Variants in ZNF552 observed in about 807,000 individuals in gnomAD.
ZNF552 encodes the protein zinc finger protein 552.
ZNF552 carries 2 observed loss-of-function variants against 7.2 expected under a neutral mutation model. The ratio of observed to expected loss-of-function variants is 0.28; its 90% CI spans 0.11 to 0.88. The LOEUF is 0.88. Among genes scored for constraint, ZNF552 ranks in the 40% least tolerant of loss-of-function variants. The pLI, the probability that ZNF552 is intolerant of heterozygous loss-of-function variation, is 0.60. For synonymous variants in ZNF552, 173 were observed against 176.5 expected (o/e 0.98, Z 0.16); for missense variants, 421 against 493.4 (o/e 0.85, Z 1.39).
chr19:57,813,775 C>A (rs1456455256), intron 1 of ZNF552, among the ~76,000 whole-genome samples: 1 of 132,934 alleles, frequency 7.5e-6, no homozygotes, highest in Admixed American at 8.8e-5. Context: ...TACGGAGTCT[C>A]GCTCTGTCAC....
intron 2 of ZNF552, among the ~76,000 whole-genome samples, chr19:57,810,043 G>A (rs934210486): frequency 6.6e-6 from 1 of 152,068 alleles, no homozygotes; most frequent in Non-Finnish European, 1.5e-5. Flanking sequence ...GGAGGTTGAG[G>A]CTGTGTGAAC....
intron 1 of ZNF552, among the ~76,000 whole-genome samples, chr19:57,814,049 T>C (rs563348476): frequency 4.6e-5 from 7 of 152,056 alleles, no homozygotes; most frequent in Non-Finnish European, 8.8e-5. Context: ...CTCCACTTTC[T>C]TGTATGCGTT....
In ZNF552 at chr19:57,808,515, C is replaced by CT. The variant is rs766158388; in HGVS notation, c.748dup (p.Ser250LysfsTer4). 5 of 1,613,742 alleles carry CT rather than the reference C, an allele frequency of 3.1e-6. No individual in the cohort carries two copies. In the Admixed American group the frequency reaches 8.3e-5, roughly 27 times the overall value. Reference sequence around the variant, plus strand: ...ATGATTACTGAAGCTGTCATATTTGCTAGAGGATTTCCCACATTCACACCA... The same window carrying CT: ...ATGATTACTGAAGCTGTCATATTTGCTTAGAGGATTTCCCACATTCACACCA... On this transcript the variant is annotated frameshift_variant, in exon 3 of 3. Transcript: ENST00000391701. LOFTEE classifies it low-confidence loss of function (END_TRUNC).
In ZNF552 at chr19:57,807,204, A is replaced by G. The variant is rs1230524047; in HGVS notation, c.*836T>C. On this transcript the variant is annotated 3_prime_UTR_variant, in exon 3 of 3. Transcript: ENST00000391701. ...AACTTTATAAAGGCTCCAGGTGAATACAAAGGTGATAGATTAGATAAATTC... is the reference window on the plus strand; with the variant it reads ...AACTTTATAAAGGCTCCAGGTGAATGCAAAGGTGATAGATTAGATAAATTC... 1 of 152,236 alleles carries G rather than the reference A, an allele frequency of 6.6e-6. No homozygotes were observed. The highest frequency in any genetic ancestry group is 1.5e-5 in the Non-Finnish European group (1 of 68,042). 9.4% of individuals were successfully genotyped at this position (152,236 alleles called of 1,614,324 possible). A position where few individuals can be genotyped will look rare whatever the true frequency, so the allele number is the denominator to read the frequency against.
Position 57,807,923 on chromosome 19 carries a change from T to G in ZNF552, c.*117A>C. ...GTAAGGACTCTTCTCTAGTGTGAAC[T>G]CTCCAATATCCAAGGAGAGCAGACC... is the stretch of plus-strand genomic sequence containing the variant. On this transcript the variant is annotated 3_prime_UTR_variant, in exon 3 of 3. Transcript: ENST00000391701. 1 of 1,328,572 alleles carries G rather than the reference T, an allele frequency of 7.5e-7. No homozygotes were observed. Among genetic ancestry groups the G allele is most frequent in the Non-Finnish European group, 1.0e-6 (1 of 973,440 alleles). 82.3% of individuals were successfully genotyped at this position (1,328,572 alleles called of 1,614,324 possible). A position where few individuals can be genotyped will look rare whatever the true frequency, so the allele number is the denominator to read the frequency against.
intron 2 of ZNF552, among the ~76,000 whole-genome samples, chr19:57,809,781 A>C (rs759385422): frequency 1.3e-5 from 2 of 152,188 alleles, no homozygotes; most frequent in Non-Finnish European, 2.9e-5. Context: ...CAGAAATCCA[A>C]GACCAGCCTG....
In ZNF552 at chr19:57,814,612, G is replaced by A. The variant is rs570476880; in HGVS notation, c.33+99C>T. ...GAGCGCCTCAGTGTCCCGACGCCGGGTCCGGGTTGCAGAGCCGTAAACAGG... is the reference window on the plus strand; with the variant it reads ...GAGCGCCTCAGTGTCCCGACGCCGGATCCGGGTTGCAGAGCCGTAAACAGG... On this transcript the variant is annotated intron_variant, in intron 1 of 2. Transcript: ENST00000391701. The A allele has an allele frequency of 9.4e-5, 150 of 1,601,782 alleles. No homozygotes were observed. The African/African-American group carries it at 1.9e-3, about 20-fold the overall frequency.
rs1187735865 is a variant in ZNF552, at chr19:57,808,684, T to TCTC, written c.579_580insGAG (p.Gly193_Lys194insGlu). ...ACACACTCAGTTTTGCTGTTTGACTTCCCAGTGTGAGTGGCCTCTTGCTGG... is the reference window on the plus strand; with the variant it reads ...ACACACTCAGTTTTGCTGTTTGACTTCTCCCCAGTGTGAGTGGCCTCTTGCTGG... On this transcript the variant is annotated inframe_insertion, in exon 3 of 3. Transcript: ENST00000391701. 5.6e-6 allele frequency: 9 copies of TCTC among 1,614,038 alleles called. No homozygotes were observed. In the East Asian group the frequency reaches 6.7e-5, roughly 12 times the overall value.
In ZNF552 at chr19:57,807,582, A is replaced by T. The variant is rs1360536426; in HGVS notation, c.*458T>A. On this transcript the variant is annotated 3_prime_UTR_variant, in exon 3 of 3. Coordinates refer to ENST00000391701, the MANE Select transcript of ZNF552 (RefSeq NM_024762.3). ...AAAAGAAAAAGAAAATTCAAGACTT[A>T]TCCTACAGCTCAAATATGCATACTT... is the stretch of plus-strand genomic sequence containing the variant. 1 of 155,170 alleles carries T rather than the reference A, an allele frequency of 6.4e-6. No individual in the cohort carries two copies. The highest frequency in any genetic ancestry group is 1.4e-5 in the Non-Finnish European group (1 of 70,094). The allele number at this position is 155,170 out of a possible 1,614,324, so 9.6% of individuals were successfully genotyped here. A position where few individuals can be genotyped will look rare whatever the true frequency, so the allele number is the denominator to read the frequency against.
At position 57,808,686 on chromosome 19, in the gene ZNF552, C is replaced by G; in HGVS notation, c.578G>C (p.Gly193Ala). ...GLLQQEATHTGKSNSKTECVS... is the reference protein window; with the variant it reads ...GLLQQEATHTAKSNSKTECVS... ...ACACTCAGTTTTGCTGTTTGACTTC[C>G]CAGTGTGAGTGGCCTCTTGCTGGAG... Residue 193 changes from glycine (G) to alanine (A), a missense_variant, in exon 3 of 3, where the codon GGG (glycine) becomes GCG (alanine). Gly to Ala is a moderately conservative substitution (Grantham distance 60, BLOSUM62 0). Transcript: ENST00000391701. 1 of 1,614,198 alleles carries G rather than the reference C, an allele frequency of 6.2e-7. No individual in the cohort carries two copies. The highest frequency in any genetic ancestry group is 8.5e-7 in the Non-Finnish European group (1 of 1,180,032).
chr19:57,809,956 CATT>C (rs1987821976), intron 2 of ZNF552, among the ~76,000 whole-genome samples: 1 of 151,454 alleles, frequency 6.6e-6, no homozygotes, highest in Admixed American at 6.6e-5. Context: ...TCTCTACAAA[CATT>C]AGCCAGGTGT....
chr19:57,812,673 A>G (rs1365761868), intron 2 of ZNF552, among the ~76,000 whole-genome samples: 2 of 152,300 alleles, frequency 1.3e-5, no homozygotes, highest in East Asian at 3.9e-4. Context: ...GGTTCAAGCT[A>G]TCCTCCCACC....
chr19:57,813,395 G>T lies in ZNF552; in HGVS notation c.59C>A (p.Ala20Asp), dbSNP rs1402464950. The T allele has an allele frequency of 6.2e-7, 1 of 1,613,918 alleles. No homozygotes were observed. ...CCATTCCTCCTGGGTAAATTTCACA[G>T]CCACGTCTTCAAAAGTCACTGTGCC... ...VQGTVTFEDV[A>D]VKFTQEEWNL... Residue 20 changes from alanine (A) to aspartate (D), a missense_variant, in exon 2 of 3, where the codon GCT becomes GAT. Ala to Asp is a moderately radical substitution (Grantham distance 126). This residue lies in a region of ZNF552 where 122 missense variants were observed against 199.7 expected (regional missense o/e 0.61). Transcript: ENST00000391701.
In ZNF552 at chr19:57,814,753, T is replaced by C. The variant is rs1568491982; in HGVS notation, c.-10A>G. 6.2e-7 allele frequency: 1 copy of C among 1,613,502 alleles called. No homozygotes were observed. The highest frequency in any genetic ancestry group is 1.1e-5 in the South Asian group (1 of 91,040). On this transcript the variant is annotated 5_prime_UTR_variant, in exon 1 of 3. Transcript: ENST00000391701. The stretch of plus-strand genomic sequence containing the variant: ...GCGCGGCCGCCGCCATGGGACCACG[T>C]GGGGTAAGCTGGGTTGAGAGCAGCG...
chr19:57,807,898 G>T lies in ZNF552; in HGVS notation c.*142C>A, dbSNP rs1987771722. 8 of 1,160,900 alleles carry T rather than the reference G, an allele frequency of 6.9e-6. No homozygotes were observed. In the East Asian group the frequency reaches 2.0e-4, roughly 30 times the overall value. The allele number at this position is 1,160,900 out of a possible 1,614,324, so 71.9% of individuals were successfully genotyped here. On this transcript the variant is annotated 3_prime_UTR_variant, in exon 3 of 3. Transcript: ENST00000391701. Reference sequence around the variant, plus strand: ...AAAACTGCCCAAATTTATTTTACTTGTAAGGACTCTTCTCTAGTGTGAACT... The same window carrying T: ...AAAACTGCCCAAATTTATTTTACTTTTAAGGACTCTTCTCTAGTGTGAACT...
Position 57,808,057 on chromosome 19 carries a change from T to A in ZNF552, c.1207A>T (p.Lys403Ter). Residue 403 changes from lysine (K) to a stop codon, truncating the protein, a stop_gained, in exon 3 of 3, where the codon AAA (lysine) becomes TAA (stop). Transcript: ENST00000391701. LOFTEE classifies it high-confidence loss of function. ...CACTGCACTCATAAGCCCTTTCTTT[T>A]GTGAACTCTCTGATGATGACGAAGT... Reference protein sequence around the residue: ...SSLRHHQRVHKRKGL With the variant: ...SSLRHHQRVH 1 of 1,611,164 alleles carries A rather than the reference T, an allele frequency of 6.2e-7. No homozygotes were observed. The highest frequency in any genetic ancestry group is 8.5e-7 in the Non-Finnish European group (1 of 1,178,562).
At position 57,814,877 on chromosome 19, in the gene ZNF552, C is replaced by G. The variant is rs1248026731; in HGVS notation, c.-134G>C. On this transcript the variant is annotated 5_prime_UTR_variant, in exon 1 of 3. Coordinates refer to ENST00000391701, the MANE Select transcript of ZNF552 (RefSeq NM_024762.3). Reference sequence around the variant, plus strand: ...CCACCACGGTCCCAACACAGCGCTCCAAGGACTCCCTAACGCCAATGGAAA... The same window carrying G: ...CCACCACGGTCCCAACACAGCGCTCGAAGGACTCCCTAACGCCAATGGAAA... The G allele has an allele frequency of 3.3e-6, 3 of 905,058 alleles. No individual in the cohort carries two copies. Among genetic ancestry groups the G allele is most frequent in the Non-Finnish European group, 4.9e-6 (3 of 607,336 alleles). 56.1% of individuals were successfully genotyped at this position (905,058 alleles called of 1,614,324 possible).
At chr19:57,813,221 G>C in intron 2 of ZNF552, 73 bp downstream of exon 2, 1 of 1,597,836 alleles carries the variant, frequency 6.3e-7, no homozygotes. Context: ...ACATGAGAAA[G>C]TCTTGCCAAT....
In ZNF552 at chr19:57,808,214, C is replaced by G; in HGVS notation, c.1050G>C (p.Lys350Asn). ...RVHKRVHTGQ[K>N]PYECSECGKS... ...TCCCACATTCACTGCACTCATAAGG[C>G]TTCTGACCAGTGTGAACTCTCTTAT... The change falls in exon 3 of 3, where the codon AAG (lysine) becomes AAC (asparagine). Residue 350 changes from lysine (K) to asparagine (N), a missense_variant. Transcript: ENST00000391701. 6.2e-7 allele frequency: 1 copy of G among 1,614,122 alleles called. No individual in the cohort carries two copies. Among genetic ancestry groups the G allele is most frequent in the South Asian group, 1.1e-5 (1 of 91,076 alleles).
Sources: gnomAD v4.1 joint callset for allele counts (sites outside exome capture counted in the v4.1 genomes callset) on GRCh38, gnomAD v4.1.1 for gene constraint, gnomAD v4.1.1 regional missense constraint, MANE v1.5 for transcripts, NCBI Gene and HGNC (gene_info 2026-07-23, HGNC 2026-07-21) for gene names.